Variants in EVI5 observed in about 807,000 individuals in gnomAD.
EVI5 encodes the protein ecotropic viral integration site 5 protein homolog.
EVI5 carries 73 observed loss-of-function variants against 112.0 expected under a neutral mutation model. The ratio of observed to expected loss-of-function variants is 0.65; its 90% CI spans 0.54 to 0.79. EVI5 has a LOEUF of 0.79. Ranked by LOEUF, EVI5 falls within the 30% of genes least tolerant of loss-of-function variation. The pLI is 0.00. For missense variants in EVI5, 900 were observed against 968.8 expected (o/e 0.93, Z 0.94); for synonymous variants, 305 against 319.9 (o/e 0.95, Z 0.50).
At chr1:92,516,059 A>G (rs1659817000) in intron 19 of EVI5, among the ~76,000 whole-genome samples, 1 of 152,218 alleles carries the variant, frequency 6.6e-6, no homozygotes, top group Non-Finnish European at 1.5e-5. Context: ...AGGCCTCCTC[A>G]AGGTTATGAT....
chr1:92,574,087 T>C (rs1001732014), intron 18 of EVI5, among the ~76,000 whole-genome samples: 27 of 152,200 alleles, frequency 1.8e-4, no homozygotes, highest in African/African-American at 6.5e-4. Context: ...AGAAGAATAT[T>C]GTACCAAGAG....
chr1:92,738,594 A>G (rs574427232), intron 1 of EVI5, among the ~76,000 whole-genome samples: 30 of 152,280 alleles, frequency 2.0e-4, no homozygotes, highest in African/African-American at 7.0e-4. Context: ...CGATTTAAAG[A>G]GTCTGAAATA....
rs188189405 is a variant in EVI5, at chr1:92,776,705, G to C, written c.-82+8131C>G. On this transcript the variant is annotated intron_variant, in intron 1 of 19. Coordinates refer to ENST00000684568, the MANE Select transcript of EVI5 (RefSeq NM_001350197.2). ...AGCTGGAGTGCAGTGGTATGATCTC[G>C]ACTCACTGCAGCCTCTGCCTCTCAT... Among the ~76,000 whole-genome samples the C allele has an allele frequency of 2.8e-3, 412 of 148,642 alleles. 3 individuals carry two copies. The highest frequency in any genetic ancestry group is 9.9e-3 in the African/African-American group (396 of 40,114).
At chr1:92,738,896 T>TA (rs1677885179) in intron 1 of EVI5, among the ~76,000 whole-genome samples, 1 of 152,104 alleles carries the variant, frequency 6.6e-6, no homozygotes, top group South Asian at 2.1e-4. Context: ...GTCACATAAA[T>TA]AAATATAAAC....
intron 19 of EVI5, among the ~76,000 whole-genome samples, chr1:92,541,489 T>C (rs913551830): frequency 3.9e-5 from 6 of 152,130 alleles, no homozygotes; most frequent in African/African-American, 1.4e-4. Flanking sequence ...TGTGGATAAA[T>C]CAAAACACTC....
At chr1:92,687,010 G>C (rs1463820060) in intron 9 of EVI5, among the ~76,000 whole-genome samples, 1 of 152,088 alleles carries the variant, frequency 6.6e-6, no homozygotes, top group Non-Finnish European at 1.5e-5. Flanking sequence ...AGCTACCACT[G>C]GTTTTCTTCA....
intron 18 of EVI5, among the ~76,000 whole-genome samples, chr1:92,589,536 A>G (rs1673401878): frequency 6.6e-6 from 1 of 152,144 alleles, no homozygotes; most frequent in South Asian, 2.1e-4. Flanking sequence ...GCAGTCTGAG[A>G]TCAAACTGCA....
chr1:92,614,769 C>CATATAT (rs56763837), intron 16 of EVI5, among the ~76,000 whole-genome samples: 17 of 145,078 alleles, frequency 1.2e-4, no homozygotes, highest in African/African-American at 4.4e-4. Context: ...TTAATAAACT[C>CATATAT]ATATATATAT....
chr1:92,684,754 CCTAGT>C (rs1668220200), intron 9 of EVI5, among the ~76,000 whole-genome samples: 1 of 151,928 alleles, frequency 6.6e-6, no homozygotes, highest in Non-Finnish European at 1.5e-5. Context: ...GGGTTGCAAT[CCTAGT>C]CTCTGATAAA....
At chr1:92,681,164 C>T (rs774753834) in intron 9 of EVI5, among the ~76,000 whole-genome samples, 1 of 152,084 alleles carries the variant, frequency 6.6e-6, no homozygotes, top group Non-Finnish European at 1.5e-5. Flanking sequence ...ATTACTTTTG[C>T]ACCAACCTAA....
intron 18 of EVI5, among the ~76,000 whole-genome samples, chr1:92,577,880 G>GT (rs1671322439): frequency 6.6e-6 from 1 of 152,178 alleles, no homozygotes; most frequent in Non-Finnish European, 1.5e-5. Context: ...CTCAGTGAAA[G>GT]TTTTAGACCC....
intron 13 of EVI5, among the ~76,000 whole-genome samples, chr1:92,642,306 G>A (rs1267164131): frequency 6.6e-6 from 1 of 152,054 alleles, no homozygotes; most frequent in Admixed American, 6.5e-5. Flanking sequence ...TTAAAGTAAC[G>A]CCTCATTTAT....
At chr1:92,748,734 T>G (rs371265259) in intron 1 of EVI5, among the ~76,000 whole-genome samples, 3 of 152,226 alleles carry the variant, frequency 2.0e-5, no homozygotes, top group South Asian at 4.2e-4. Flanking sequence ...CACTTGTCTA[T>G]AGTGTGCTAT....
chr1:92,685,006 G>C (rs1381485004), intron 9 of EVI5, among the ~76,000 whole-genome samples: 1 of 151,562 alleles, frequency 6.6e-6, no homozygotes, highest in African/African-American at 2.4e-5. Flanking sequence ...CAAGACAGAA[G>C]GTTAACAAGG....
chr1:92,621,342 T>G (rs147922209), intron 16 of EVI5, among the ~76,000 whole-genome samples: 1,653 of 152,342 alleles, frequency 0.011, 35 homozygotes, highest in African/African-American at 0.038. Context: ...GGAGTCTTGC[T>G]CCGTCACCCA....
chr1:92,774,374 G>A (rs1341634115), intron 1 of EVI5, among the ~76,000 whole-genome samples: 4 of 152,080 alleles, frequency 2.6e-5, no homozygotes, highest in Non-Finnish European at 5.9e-5. Context: ...ACGCTGTTCT[G>A]ATAAAGTCAC....
intron 19 of EVI5, among the ~76,000 whole-genome samples, chr1:92,522,526 C>T (rs994908666): frequency 2.7e-5 from 4 of 145,734 alleles, no homozygotes; most frequent in African/African-American, 1.0e-4. Flanking sequence ...ATCCCAGCTA[C>T]GCGGGAGGCT....
At chr1:92,623,939 C>CAA (rs1388813727) in intron 16 of EVI5, among the ~76,000 whole-genome samples, 2 of 152,116 alleles carry the variant, frequency 1.3e-5, no homozygotes, top group South Asian at 2.1e-4. Flanking sequence ...GAGTTTTACC[C>CAA]AAAAAAGTCA....
chr1:92,724,757 G>A (rs1334395094), intron 2 of EVI5, among the ~76,000 whole-genome samples: 1 of 152,102 alleles, frequency 6.6e-6, no homozygotes, highest in Non-Finnish European at 1.5e-5. Context: ...GCAGTGAGCT[G>A]TGATGGCACC....
Sources: allele counts gnomAD v4.1 joint callset (sites outside exome capture counted in the v4.1 genomes callset), GRCh38; gene constraint gnomAD v4.1.1; transcripts MANE v1.5; gene names NCBI Gene and HGNC (gene_info 2026-07-23, HGNC 2026-07-21).